NEBL: variants seen among roughly 807,000 people sequenced by gnomAD.
NEBL encodes LIM and SH3 protein 2.
NEBL carries 122 observed loss-of-function variants against 140.2 expected under a neutral mutation model. The observed-to-expected ratio is 0.87, with a 90% confidence interval of 0.75 to 1.01. NEBL has a LOEUF of 1.01. Ranked by LOEUF, NEBL falls within the 50% of genes least tolerant of loss-of-function variation. NEBL has a pLI of 0.00. For synonymous variants in NEBL, 436 were observed against 398.9 expected, an observed-to-expected ratio of 1.09 and a Z score of -1.11; for missense variants, 1,365 against 1,231.3, an observed-to-expected ratio of 1.11 and a Z score of -1.62.
chr10:20,871,445 T>G (rs1426912040), intron 5 of NEBL, among the ~76,000 whole-genome samples: 2 of 152,334 alleles, frequency 1.3e-5, no homozygotes, highest in Non-Finnish European at 2.9e-5. Context: ...TTCTTACTCC[T>G]TTTAAAAATA....
At chr10:20,899,787 C>G (rs1344565653), upstream of NEBL, 1 of 171,574 alleles carries the variant, frequency 5.8e-6, no homozygotes. Context: ...ATAAAATATT[C>G]TTCATACTAA....
At chr10:21,037,748 A>G (rs963892033) in intron 2 of NEBL, among the ~76,000 whole-genome samples, 17 of 152,220 alleles carry the variant, frequency 1.1e-4, no homozygotes, top group Non-Finnish European at 2.1e-4. Flanking sequence ...AATAGTCAAC[A>G]GAGAGATAGA....
chr10:20,955,731 T>C (rs564465983), intron 4 of NEBL, among the ~76,000 whole-genome samples: 39 of 152,254 alleles, frequency 2.6e-4, no homozygotes, highest in African/African-American at 9.1e-4. Flanking sequence ...CTGGTCATTG[T>C]GTTTTAGATG....
intron 13 of NEBL, among the ~76,000 whole-genome samples, chr10:20,838,468 G>A (rs1474941050): frequency 1.3e-5 from 2 of 152,172 alleles, no homozygotes; most frequent in African/African-American, 4.8e-5. Flanking sequence ...GACAAGCAAA[G>A]AATGTGGTTT....
chr10:21,171,050 A>G (rs1841048299), intron 2 of NEBL, among the ~76,000 whole-genome samples: 1 of 152,128 alleles, frequency 6.6e-6, no homozygotes, highest in South Asian at 2.1e-4. Context: ...AAACTCAAAC[A>G]TCAGGCCAGG....
chr10:21,220,887 G>A (rs111393844), intron 3 of NEBL, among the ~76,000 whole-genome samples: 9 of 152,338 alleles, frequency 5.9e-5, no homozygotes, highest in African/African-American at 9.6e-5. Flanking sequence ...TGGGCATGGC[G>A]GCTCATGCCA....
At chr10:21,114,590 C>T (rs566808150) in intron 2 of NEBL, among the ~76,000 whole-genome samples, 5 of 152,196 alleles carry the variant, frequency 3.3e-5, no homozygotes, top group Non-Finnish European at 7.4e-5. Context: ...ACTTCAACCA[C>T]ATTTAGGATT....
At chr10:20,978,807 T>A (rs1836911538) in intron 3 of NEBL, among the ~76,000 whole-genome samples, 1 of 151,426 alleles carries the variant, frequency 6.6e-6, no homozygotes, top group South Asian at 2.1e-4. Flanking sequence ...TCAAAACAAT[T>A]GCTGCTAAAA....
intron 2 of NEBL, among the ~76,000 whole-genome samples, chr10:21,073,476 G>T (rs933369510): frequency 2.0e-5 from 3 of 151,830 alleles, no homozygotes; most frequent in African/African-American, 4.8e-5. Context: ...AATTAGGCAG[G>T]CTTGGTGGCA....
At chr10:20,990,821 T>C (rs1837429141) in intron 3 of NEBL, among the ~76,000 whole-genome samples, 1 of 152,220 alleles carries the variant, frequency 6.6e-6, no homozygotes, top group South Asian at 2.1e-4. Context: ...ATTTACTACA[T>C]CCAGCAGATA....
chr10:21,259,277 G>A (rs573465417), intron 1 of NEBL, among the ~76,000 whole-genome samples: 3 of 151,990 alleles, frequency 2.0e-5, no homozygotes, highest in African/African-American at 4.8e-5. Flanking sequence ...TAGTACAGAC[G>A]GAGTTTCACA....
intron 2 of NEBL, among the ~76,000 whole-genome samples, chr10:21,161,988 G>A (rs1210795718): frequency 1.3e-5 from 2 of 152,184 alleles, no homozygotes; most frequent in Non-Finnish European, 2.9e-5. Flanking sequence ...AGAGGTTTGG[G>A]GCTTTGAGCC....
At chr10:20,875,960 G>A (rs1845459170) in intron 5 of NEBL, among the ~76,000 whole-genome samples, 1 of 152,272 alleles carries the variant, frequency 6.6e-6, no homozygotes, top group South Asian at 2.1e-4. Context: ...GAAAACCTTT[G>A]TCTTTAGCAA....
intron 4 of NEBL, among the ~76,000 whole-genome samples, chr10:20,915,491 T>G (rs1330823647): frequency 1.3e-5 from 2 of 150,402 alleles, no homozygotes; most frequent in Admixed American, 1.3e-4. Flanking sequence ...CACCTATGAG[T>G]GAGAATACAT....
At chr10:21,227,856 T>G (rs1386071813) in intron 3 of NEBL, among the ~76,000 whole-genome samples, 1 of 151,810 alleles carries the variant, frequency 6.6e-6, no homozygotes, top group South Asian at 2.1e-4. Context: ...TCTTCTTTCT[T>G]CTTCTTCTTT....
rs1200344440 is a variant in NEBL, at chr10:21,181,251, GA to G, written n.349-8775del. On this transcript the variant is annotated intron_variant and non_coding_transcript_variant, in intron 3 of 8. Coordinates refer to the NEBL transcript ENST00000675702. ...GCATGTCAACCTTGGCAACAAAAGT[GA>G]AACTCTGTCTCAAAAAAAAAAAAAA... 3.5e-5 allele frequency among the ~76,000 whole-genome samples: 5 copies of G among 141,876 alleles called. No homozygotes were observed. The Admixed American group carries it at 3.6e-4, about 10-fold the overall frequency. 93.1% of individuals were successfully genotyped at this position (141,876 alleles called of 152,430 possible).
At chr10:21,211,146 G>T (rs1200502137) in intron 3 of NEBL, among the ~76,000 whole-genome samples, 1 of 152,114 alleles carries the variant, frequency 6.6e-6, no homozygotes. Context: ...TCAATGCTAT[G>T]TAGGAAAGGA....
chr10:20,815,966 C>G (rs1838684366), intron 21 of NEBL: 2 of 448,854 alleles, frequency 4.5e-6, no homozygotes, highest in South Asian at 2.2e-5. Context: ...TTGAGTTTTG[C>G]CATGTTGTCC....
intron 4 of NEBL, among the ~76,000 whole-genome samples, chr10:20,882,016 T>C (rs777364802): frequency 5.9e-5 from 9 of 152,064 alleles, no homozygotes; most frequent in Non-Finnish European, 1.2e-4. Context: ...CCATCTCTAC[T>C]AAATATCGAA....
Sources: gnomAD v4.1 joint callset for allele counts (sites outside exome capture counted in the v4.1 genomes callset) on GRCh38, gnomAD v4.1.1 for gene constraint, MANE v1.5 for transcripts, NCBI Gene and HGNC (gene_info 2026-07-23, HGNC 2026-07-21) for gene names.